The following MYCBP2 variants were observed in gnomAD, a reference collection of about 807,000 sequenced individuals.
The protein encoded by MYCBP2 is MYC binding protein 2.
MYCBP2 carries 120 observed loss-of-function variants against 525.3 expected under a neutral mutation model. The observed-to-expected ratio is 0.23, with a 90% confidence interval of 0.20 to 0.27. The LOEUF is 0.27. Ranked by LOEUF, MYCBP2 falls within the 10% of genes least tolerant of loss-of-function variation. MYCBP2 has a pLI of 1.00. For synonymous variants in MYCBP2, 1,894 were observed against 1,955.8 expected (o/e 0.97, Z 0.83); for missense variants, 4,149 against 5,657.1 (o/e 0.73, Z 8.55).
At chr13:77,252,247 G>A (rs2071336375) in intron 14 of MYCBP2, among the ~76,000 whole-genome samples, 1 of 152,070 alleles carries the variant, frequency 6.6e-6, no homozygotes, top group Admixed American at 6.5e-5. Context: ...AGGCTCTGTG[G>A]CCCATACAAA....
chr13:77,272,512 T>A (rs1269657227), intron 5 of MYCBP2: 1 of 152,242 alleles, frequency 6.6e-6, no homozygotes, highest in Non-Finnish European at 1.5e-5. Context: ...TTACAATTTT[T>A]AAAATATTTG....
chr13:77,067,323 G>A (rs1320926082), intron 71 of MYCBP2, among the ~76,000 whole-genome samples: 1 of 152,154 alleles, frequency 6.6e-6, no homozygotes, highest in Non-Finnish European at 1.5e-5. Flanking sequence ...TGTATATGGT[G>A]AGAGGTAGGT....
At chr13:77,260,800 T>C (rs1008202581) in intron 12 of MYCBP2, among the ~76,000 whole-genome samples, 2 of 152,210 alleles carry the variant, frequency 1.3e-5, no homozygotes, top group Non-Finnish European at 2.9e-5. Flanking sequence ...TACGCTATCA[T>C]TGCTAGATCC....
chr13:77,173,522 G>A (rs1566805085), intron 37 of MYCBP2, among the ~76,000 whole-genome samples: 1 of 152,200 alleles, frequency 6.6e-6, no homozygotes. Flanking sequence ...GAAAGAGGAA[G>A]CAGAAAATCT....
chr13:77,282,587 AC>A (rs1334533302), intron 3 of MYCBP2, among the ~76,000 whole-genome samples: 2 of 151,738 alleles, frequency 1.3e-5, no homozygotes, highest in Non-Finnish European at 2.9e-5. Flanking sequence ...TCTTGATCCC[AC>A]CCCCTCCGAT....
chr13:77,073,150 CCTAGTTTTTTTTTTCA>C (rs1843812587), intron 68 of MYCBP2, among the ~76,000 whole-genome samples: 1 of 151,956 alleles, frequency 6.6e-6, no homozygotes, highest in Non-Finnish European at 1.5e-5. Context: ...GCTACCATCC[CCTAGTTTTTTTTTTCA>C]CTGAAGGAAA....
chr13:77,309,272 T>C (rs1200167743), intron 1 of MYCBP2, among the ~76,000 whole-genome samples: 1 of 152,212 alleles, frequency 6.6e-6, no homozygotes, highest in Non-Finnish European at 1.5e-5. Flanking sequence ...CAAGAACCTA[T>C]CTCAGACTTC....
At chr13:77,315,894 C>CAAAAAAAAAAAAAAAAAAAAATAAAAA (rs34819956) in intron 1 of MYCBP2, among the ~76,000 whole-genome samples, 1 of 94,272 alleles carries the variant, frequency 1.1e-5, no homozygotes, top group Non-Finnish European at 2.2e-5. Context: ...GGCTCTGTCT[C>CAAAAAAAAAAAAAAAAAAAAATAAAAA]AAAAAAAAAA....
chr13:77,081,868 C>T lies in MYCBP2; in HGVS notation c.11162G>A (p.Ser3721Asn). The T allele has an allele frequency of 6.2e-7, 1 of 1,613,634 alleles. No individual in the cohort carries two copies. Among genetic ancestry groups the T allele is most frequent in the Non-Finnish European group, 8.5e-7 (1 of 1,179,748 alleles). The change falls in exon 64 of 83, where the codon AGT (serine) becomes AAT (asparagine). Residue 3721 changes from serine (S) to asparagine (N), a missense_variant. Physicochemically the swap from Ser to Asn is conservative, Grantham distance 46. Coordinates refer to ENST00000544440, the MANE Select transcript of MYCBP2 (RefSeq NM_015057.5). This position sits in a 1 kb window ranked among gnomAD's most constrained non-coding sequence, Gnocchi z 4.6. ...DGDSEESFSISIQSGFEAMSQ... is the reference protein window; with the variant it reads ...DGDSEESFSINIQSGFEAMSQ... ...CATAGCTTCAAAGCCAGACTGTATA[C>T]TGATGCTAAAACTCTCTTCACTATC...
chr13:77,206,478 A>T (rs2063352348), intron 24 of MYCBP2, among the ~76,000 whole-genome samples, 175 bp downstream of exon 24: 1 of 152,094 alleles, frequency 6.6e-6, no homozygotes, highest in Admixed American at 6.5e-5. Flanking sequence ...GTGTTAGTAC[A>T]GGTCTCATGT....
intron 70 of MYCBP2, 26 bp downstream of exon 70, chr13:77,068,539 G>T: frequency 6.3e-7 from 1 of 1,597,324 alleles, no homozygotes; most frequent in South Asian, 1.1e-5. Flanking sequence ...CAAAAGCAAT[G>T]GAAAGGCTGT....
chr13:77,210,193 AT>A (rs376726932), intron 23 of MYCBP2, among the ~76,000 whole-genome samples: 4,713 of 148,360 alleles, frequency 0.032, 203 homozygotes, highest in East Asian at 0.17. Flanking sequence ...CACCACAATA[AT>A]TTTTTTTTCT....
chr13:77,220,500 C>T (rs755540280), intron 20 of MYCBP2, among the ~76,000 whole-genome samples: 6 of 152,118 alleles, frequency 3.9e-5, no homozygotes, highest in Non-Finnish European at 7.4e-5. Context: ...ATATCAATAA[C>T]ACTTTTCCAT....
chr13:77,293,037 T>C (rs556070505), intron 2 of MYCBP2, among the ~76,000 whole-genome samples: 19 of 150,590 alleles, frequency 1.3e-4, no homozygotes, highest in Non-Finnish European at 2.4e-4. Flanking sequence ...TTGACTGCAG[T>C]AGTGCTTCTA....
chr13:77,235,505 T>G (rs1211673715), intron 17 of MYCBP2, among the ~76,000 whole-genome samples: 1 of 152,094 alleles, frequency 6.6e-6, no homozygotes, highest in Admixed American at 6.6e-5. Flanking sequence ...GAAATTTGCT[T>G]GGAGAGGTAT....
At chr13:77,260,357 GAT>G in intron 13 of MYCBP2, 69 bp downstream of exon 13, 1 of 1,058,506 alleles carries the variant, frequency 9.4e-7, no homozygotes, top group Non-Finnish European at 1.3e-6. Context: ...AAATTTTCTA[GAT>G]ATGTCTTTGT....
At chr13:77,244,441 C>T (rs532178774) in intron 15 of MYCBP2, among the ~76,000 whole-genome samples, 22 of 152,290 alleles carry the variant, frequency 1.4e-4, no homozygotes, top group African/African-American at 5.3e-4. Flanking sequence ...ATAAATGGTG[C>T]TGGGAAAACT....
rs1400474392 is a variant in MYCBP2, at chr13:77,078,722, A to G, written c.11484+102T>C. ...GTTCTGTAAATAGATAATTCCCTAT[A>G]ATACTTTGGTTGTGTGCCAAGGGTG... is the stretch of plus-strand genomic sequence containing the variant. On this transcript the variant is annotated intron_variant, in intron 66 of 82. Coordinates refer to ENST00000544440, the MANE Select transcript of MYCBP2 (RefSeq NM_015057.5). The G allele has an allele frequency of 6.8e-6, 6 of 878,404 alleles. No individual in the cohort carries two copies. The African/African-American group carries it at 1.0e-4, about 15-fold the overall frequency. 54.4% of individuals were successfully genotyped at this position (878,404 alleles called of 1,614,324 possible). A position where few individuals can be genotyped will look rare whatever the true frequency, so the allele number is the denominator to read the frequency against.
chr13:77,289,104 G>C (rs2077199346), intron 2 of MYCBP2, among the ~76,000 whole-genome samples: 1 of 151,884 alleles, frequency 6.6e-6, no homozygotes, highest in African/African-American at 2.4e-5. Context: ...AATAATTAGA[G>C]TATGTCCAGG....
Sources: allele counts gnomAD v4.1 joint callset (sites outside exome capture counted in the v4.1 genomes callset), GRCh38; gene constraint gnomAD v4.1.1; non-coding constraint Gnocchi (gnomAD v3.1); transcripts MANE v1.5; gene names NCBI Gene and HGNC (gene_info 2026-07-23, HGNC 2026-07-21).